KCNIP4: variants seen among roughly 807,000 people sequenced by gnomAD.
KCNIP4 encodes Kv channel-interacting protein 4.
In KCNIP4, 12 loss-of-function variants were observed where a neutral mutation model predicts 34.0. The ratio of observed to expected loss-of-function variants is 0.35; its 90% CI spans 0.23 to 0.57. The LOEUF is 0.57. Ranked by LOEUF, KCNIP4 falls within the 20% of genes least tolerant of loss-of-function variation. KCNIP4 has a pLI of 0.83. For missense variants in KCNIP4, 238 were observed against 311.7 expected (o/e 0.76, Z 1.78); for synonymous variants, 124 against 102.2 (o/e 1.21, Z -1.29).
At chr4:21,129,313 T>C (rs1750881358) in intron 1 of KCNIP4, among the ~76,000 whole-genome samples, 2 of 152,162 alleles carry the variant, frequency 1.3e-5, no homozygotes, top group Admixed American at 1.3e-4. Context: ...ATGTCTTCAT[T>C]AGCAGTGTGA....
chr4:20,850,708 G>A (rs954375960), intron 2 of KCNIP4, 41 bp from the exon 3 acceptor site: 2 of 1,598,714 alleles, frequency 1.3e-6, no homozygotes, highest in Non-Finnish European at 1.7e-6. Context: ...ACCAGCCACT[G>A]CTCACCGATG....
intron 3 of KCNIP4, among the ~76,000 whole-genome samples, chr4:20,793,231 T>A (rs986999271): frequency 1.3e-5 from 2 of 152,142 alleles, no homozygotes; most frequent in Non-Finnish European, 2.9e-5. Flanking sequence ...GGAATAGTAC[T>A]CAGCAACACA....
intron 1 of KCNIP4, among the ~76,000 whole-genome samples, chr4:21,744,130 G>T (rs1370210939): frequency 6.6e-6 from 1 of 152,108 alleles, no homozygotes; most frequent in Non-Finnish European, 1.5e-5. Context: ...TAAACATTTT[G>T]CAGACCTATT....
chr4:21,948,035 T>C (rs993940665), intron 1 of KCNIP4, among the ~76,000 whole-genome samples: 1 of 152,344 alleles, frequency 6.6e-6, no homozygotes, highest in South Asian at 2.1e-4. Context: ...CTGAACACAC[T>C]AAACTGAAGC....
chr4:21,625,930 C>T (rs1745289290), intron 1 of KCNIP4, among the ~76,000 whole-genome samples: 1 of 152,052 alleles, frequency 6.6e-6, no homozygotes, highest in African/African-American at 2.4e-5. Context: ...TTGGTTTAGA[C>T]AGCAAAAGCC....
At chr4:21,750,077 T>G (rs1717048654) in intron 1 of KCNIP4, among the ~76,000 whole-genome samples, 1 of 152,162 alleles carries the variant, frequency 6.6e-6, no homozygotes. Context: ...GATGAAATCT[T>G]GTGCCCATCC....
intron 1 of KCNIP4, among the ~76,000 whole-genome samples, chr4:21,053,349 A>G (rs1743101456): frequency 6.6e-6 from 1 of 152,194 alleles, no homozygotes; most frequent in South Asian, 2.1e-4. Flanking sequence ...AATATAGAGC[A>G]CATAGAGGAA....
intron 1 of KCNIP4, among the ~76,000 whole-genome samples, chr4:21,137,315 TGAA>T (rs1474208934): frequency 6.6e-6 from 1 of 152,194 alleles, no homozygotes; most frequent in African/African-American, 2.4e-5. Flanking sequence ...TTTCCACAGA[TGAA>T]GAAGATGTGG....
intron 1 of KCNIP4, among the ~76,000 whole-genome samples, chr4:21,123,831 G>A (rs191011420): frequency 3.9e-5 from 6 of 152,184 alleles, no homozygotes; most frequent in South Asian, 2.1e-4. Flanking sequence ...AAGAAAGGCC[G>A]TGTGAATGTA....
intron 1 of KCNIP4, among the ~76,000 whole-genome samples, chr4:20,987,954 TCG>T (rs1736728096): frequency 8.0e-6 from 1 of 125,696 alleles, no homozygotes. Context: ...TGAGCCGAGA[TCG>T]CACCACTGCA....
intron 1 of KCNIP4, among the ~76,000 whole-genome samples, chr4:21,256,548 A>G (rs149846929): frequency 6.6e-6 from 1 of 152,038 alleles, no homozygotes; most frequent in South Asian, 2.1e-4. Context: ...GCAGTGAGCT[A>G]TGATTATGCC....
At chr4:21,139,858 G>A (rs964061960) in intron 1 of KCNIP4, among the ~76,000 whole-genome samples, 23 of 152,272 alleles carry the variant, frequency 1.5e-4, no homozygotes, top group African/African-American at 5.3e-4. Flanking sequence ...TTTTAGAAGT[G>A]TAGAAGAAAA....
intron 1 of KCNIP4, among the ~76,000 whole-genome samples, chr4:21,612,261 G>A (rs1356766406): frequency 6.6e-6 from 1 of 152,154 alleles, no homozygotes; most frequent in African/African-American, 2.4e-5. Flanking sequence ...GAGCTGGGTT[G>A]CATTCCACAG....
intron 1 of KCNIP4, among the ~76,000 whole-genome samples, chr4:21,609,942 C>T (rs1018348842): frequency 3.3e-5 from 5 of 152,202 alleles, no homozygotes; most frequent in Non-Finnish European, 7.4e-5. Context: ...TATCTCATTA[C>T]TACTATTCCT....
intron 1 of KCNIP4, among the ~76,000 whole-genome samples, chr4:21,508,997 G>C (rs28536057): frequency 0.071 from 10,743 of 152,126 alleles, 1,161 homozygotes; most frequent in African/African-American, 0.24. Flanking sequence ...TTCAATAGGA[G>C]TCTGTATGCC....
chr4:21,634,427 G>A (rs988157858), intron 1 of KCNIP4, among the ~76,000 whole-genome samples: 3 of 151,752 alleles, frequency 2.0e-5, no homozygotes, highest in South Asian at 4.1e-4. Context: ...ATAAACATAC[G>A]CTAGAAACAG....
chr4:21,453,959 C>T (rs1284099883), intron 1 of KCNIP4, among the ~76,000 whole-genome samples: 1 of 152,036 alleles, frequency 6.6e-6, no homozygotes, highest in African/African-American at 2.4e-5. Flanking sequence ...ACAATGACCT[C>T]TGAGGCTTGT....
rs576738022 is a variant in KCNIP4 at position 21,436,933 on chromosome 4, G to A, written c.61+511638C>T. ...GTGCTTAATGAACAACTGTGCCATC[G>A]TTTTACAAACCAACAAGTCCATATT... On this transcript the variant is annotated intron_variant, in intron 1 of 8. Transcript: ENST00000382152. Among the ~76,000 whole-genome samples, 135 of 152,214 alleles carry A rather than the reference G, an allele frequency of 8.9e-4. 4 individuals carry two copies. The South Asian group carries it at 0.014, about 16-fold the overall frequency.
At chr4:21,764,115 C>A (rs1429670515) in intron 1 of KCNIP4, among the ~76,000 whole-genome samples, 1 of 152,078 alleles carries the variant, frequency 6.6e-6, no homozygotes, top group African/African-American at 2.4e-5. Context: ...CTTCAGAGAC[C>A]TGCAGAAAGG....
Sources: allele counts gnomAD v4.1 joint callset (sites outside exome capture counted in the v4.1 genomes callset), GRCh38; gene constraint gnomAD v4.1.1; transcripts MANE v1.5; gene names NCBI Gene and HGNC (gene_info 2026-07-23, HGNC 2026-07-21).